The following CTNND2 variants were observed in gnomAD, a reference collection of about 807,000 sequenced individuals.
CTNND2 encodes the protein catenin delta-2.
CTNND2 carries 22 observed loss-of-function variants against 144.4 expected under a neutral mutation model. The observed-to-expected ratio is 0.15, with a 90% CI of 0.11 to 0.22. CTNND2 has a LOEUF of 0.22. Ranked by LOEUF, CTNND2 falls within the 10% of genes least tolerant of loss-of-function variation. The pLI, the probability that CTNND2 is intolerant of heterozygous loss-of-function variation, is 1.00. For synonymous variants in CTNND2, 751 were observed against 695.6 expected, an observed-to-expected ratio of 1.08 and a Z score of -1.25; for missense variants, 1,353 against 1,618.8, an observed-to-expected ratio of 0.84 and a Z score of 2.82.
chr5:11,608,967 T>C (rs1241960511), intron 2 of CTNND2, among the ~76,000 whole-genome samples: 1 of 152,172 alleles, frequency 6.6e-6, no homozygotes, highest in Non-Finnish European at 1.5e-5. Context: ...CCCAGCCATA[T>C]GGCATTTTTT....
In CTNND2 at chr5:11,678,847, T is replaced by C. The variant is rs113164166; in HGVS notation, c.174+53289A>G. 5.3e-4 allele frequency among the ~76,000 whole-genome samples: 81 copies of C among 152,174 alleles called. 1 individual carries two copies. Among genetic ancestry groups the C allele is most frequent in the African/African-American group, 1.8e-3 (73 of 41,530 alleles). On this transcript the variant is annotated intron_variant, in intron 2 of 21. Coordinates refer to ENST00000304623, the MANE Select transcript of CTNND2 (RefSeq NM_001332.4). The stretch of plus-strand genomic sequence containing the variant: ...CCAGAGTACTGGAGTTTTTGGCTCA[T>C]TGGCTCCAGGAACAAAGGACAGGTG...
At chr5:11,730,357 C>A (rs1787313044) in intron 2 of CTNND2, among the ~76,000 whole-genome samples, 1 of 152,082 alleles carries the variant, frequency 6.6e-6, no homozygotes, top group African/African-American at 2.4e-5. Flanking sequence ...TTCTAATTTT[C>A]TTCCAGATGT....
At chr5:11,439,148 T>C (rs894996331) in intron 3 of CTNND2, among the ~76,000 whole-genome samples, 2 of 152,102 alleles carry the variant, frequency 1.3e-5, no homozygotes, top group African/African-American at 2.4e-5. Context: ...CATAATCCAA[T>C]GCATGGATGC....
intron 12 of CTNND2, among the ~76,000 whole-genome samples, chr5:11,152,386 T>A (rs1410399834): frequency 6.6e-6 from 1 of 152,166 alleles, no homozygotes; most frequent in Non-Finnish European, 1.5e-5. Flanking sequence ...TTCAGGACAG[T>A]GTTGTGCTAT....
At chr5:11,875,588 T>C (rs924817899) in intron 1 of CTNND2, among the ~76,000 whole-genome samples, 1 of 151,984 alleles carries the variant, frequency 6.6e-6, no homozygotes, top group African/African-American at 2.4e-5. Flanking sequence ...CATGATGGGA[T>C]TTTACCGTCC....
intron 3 of CTNND2, among the ~76,000 whole-genome samples, chr5:11,557,055 G>A (rs941547599): frequency 1.3e-5 from 2 of 151,788 alleles, no homozygotes; most frequent in Non-Finnish European, 2.9e-5. Context: ...ATAAAATAGG[G>A]TATATATATT....
intron 3 of CTNND2, among the ~76,000 whole-genome samples, chr5:11,551,553 T>C (rs1775769202): frequency 6.7e-6 from 1 of 149,256 alleles, no homozygotes; most frequent in Admixed American, 6.7e-5. Flanking sequence ...GAGTAGCCGG[T>C]AACTACAGAT....
intron 2 of CTNND2, among the ~76,000 whole-genome samples, chr5:11,622,384 C>T (rs1780892201): frequency 6.6e-6 from 1 of 152,146 alleles, no homozygotes; most frequent in African/African-American, 2.4e-5. Flanking sequence ...TAATATTAAA[C>T]ATCAATTGCA....
intron 3 of CTNND2, among the ~76,000 whole-genome samples, chr5:11,527,289 C>T (rs908492443): frequency 6.6e-6 from 1 of 152,148 alleles, no homozygotes; most frequent in Non-Finnish European, 1.5e-5. Context: ...ATACAGTTCT[C>T]CAAATTGTCA....
chr5:11,012,895 C>G (rs1032028421), intron 18 of CTNND2, among the ~76,000 whole-genome samples: 1 of 152,104 alleles, frequency 6.6e-6, no homozygotes, highest in Admixed American at 6.6e-5. Flanking sequence ...AAAGGGATAC[C>G]AACAAACTTA....
At chr5:11,544,090 G>T (rs1357921978) in intron 3 of CTNND2, among the ~76,000 whole-genome samples, 1 of 151,946 alleles carries the variant, frequency 6.6e-6, no homozygotes, top group African/African-American at 2.4e-5. Flanking sequence ...AAAAATAAGG[G>T]AAAAGCATAT....
chr5:11,776,382 A>G (rs1790255456), intron 1 of CTNND2, among the ~76,000 whole-genome samples: 1 of 152,110 alleles, frequency 6.6e-6, no homozygotes, highest in African/African-American at 2.4e-5. Flanking sequence ...TTAAAATAAT[A>G]TTTTCTGTTA....
intron 9 of CTNND2, among the ~76,000 whole-genome samples, chr5:11,237,555 C>A (rs1741783982): frequency 1.3e-5 from 2 of 151,994 alleles, no homozygotes; most frequent in East Asian, 1.9e-4. Context: ...GGCTGGAGTG[C>A]AGTGGCATAA....
intron 11 of CTNND2, among the ~76,000 whole-genome samples, chr5:11,179,733 A>G (rs1760822117): frequency 6.6e-6 from 1 of 152,200 alleles, no homozygotes; most frequent in Admixed American, 6.5e-5. Context: ...TGACTCTCAG[A>G]ATAGATAACC....
intron 9 of CTNND2, among the ~76,000 whole-genome samples, chr5:11,330,315 C>CAAAAAAAAAAAAAA (rs1257414767): frequency 1.3e-4 from 11 of 82,340 alleles, no homozygotes; most frequent in African/African-American, 2.6e-4. Context: ...ACTAAAAATA[C>CAAAAAAAAAAAAAA]AAAAAAAAAA....
At chr5:11,330,785 A>G (rs1295585166) in intron 9 of CTNND2, among the ~76,000 whole-genome samples, 2 of 13,046 alleles carry the variant, frequency 1.5e-4, no homozygotes, top group African/African-American at 9.2e-4. Flanking sequence ...TCTGTATCAA[A>G]AAAAAAAAAA....
chr5:11,435,906 TC>T (rs1389842260), intron 3 of CTNND2, among the ~76,000 whole-genome samples: 13 of 152,274 alleles, frequency 8.5e-5, no homozygotes, highest in African/African-American at 3.1e-4. Context: ...TGCTCACATT[TC>T]TTGGTTGCTT....
Position 10,981,586 on chromosome 5 carries a change from A to AACACACACAC in CTNND2, c.3417+177_3417+186dup, listed in dbSNP as rs112742699. 0.016 allele frequency among the ~76,000 whole-genome samples: 2,472 copies of AACACACACAC among 150,468 alleles called. 40 individuals are homozygous for AACACACACAC. Among genetic ancestry groups the AACACACACAC allele is most frequent in the Non-Finnish European group, 0.02 (1,342 of 67,504 alleles). On this transcript the variant is annotated intron_variant, in intron 21 of 21. Transcript: ENST00000304623. ...CATTTGAGGCTGTTCTGCCGAGTCC[A>AACACACACAC]ACACACACACACACACACACAGAGA...
At chr5:11,731,473 T>C (rs1459359544) in intron 2 of CTNND2, among the ~76,000 whole-genome samples, 2 of 152,212 alleles carry the variant, frequency 1.3e-5, no homozygotes, top group African/African-American at 4.8e-5. Flanking sequence ...CTAGCACATG[T>C]TTAGAAGAAG....
Sources: gnomAD v4.1 joint callset for allele counts (sites outside exome capture counted in the v4.1 genomes callset) on GRCh38, gnomAD v4.1.1 for gene constraint, MANE v1.5 for transcripts, NCBI Gene and HGNC (gene_info 2026-07-23, HGNC 2026-07-21) for gene names.